Variants in CNTNAP4 observed in about 807,000 individuals in gnomAD.
CNTNAP4 encodes contactin-associated protein-like 4.
A neutral mutation model predicts 148.4 loss-of-function variants in CNTNAP4; 98 were observed. The ratio of observed to expected loss-of-function variants is 0.66; its 90% CI spans 0.56 to 0.78. CNTNAP4 has a LOEUF of 0.78. Among genes scored for constraint, CNTNAP4 ranks in the 30% least tolerant of loss-of-function variants. The pLI, the probability that CNTNAP4 is intolerant of heterozygous loss-of-function variation, is 0.00. For synonymous variants in CNTNAP4, 730 were observed against 565.1 expected, an observed-to-expected ratio of 1.29 and a Z score of -4.14; for missense variants, 1,935 against 1,565.6, an observed-to-expected ratio of 1.24 and a Z score of -3.98.
rs1597667458 is a variant in CNTNAP4, at chr16:76,476,044, C to A, written c.1761C>A (p.Asn587Lys). ...GTTACAGAGGAGCTACTTGCCATAACTGTAAGCGGAACACATCTGCTTTTT... is the reference window on the plus strand; with the variant it reads ...GTTACAGAGGAGCTACTTGCCATAAATGTAAGCGGAACACATCTGCTTTTT... Reference protein sequence around the residue: ...NTGYRGATCHNSIYEQSCEAY... With the variant: ...NTGYRGATCHKSIYEQSCEAY... The change falls in exon 11 of 24, where the codon AAC becomes AAA. Residue 587 changes from asparagine to lysine, a missense_variant and splice_region_variant. Coordinates refer to ENST00000611870, the MANE Select transcript of CNTNAP4 (RefSeq NM_033401.5). The A allele has an allele frequency of 1.2e-6, 2 of 1,605,978 alleles. No individual in the cohort carries two copies. The highest frequency in any genetic ancestry group is 1.7e-4 in the Middle Eastern group (1 of 6,046).
intron 5 of CNTNAP4, 128 bp from the exon 6 acceptor site, chr16:76,448,639 G>A (rs1242142102): frequency 6.3e-6 from 4 of 633,864 alleles, no homozygotes; most frequent in African/African-American, 1.9e-5. Context: ...ATGCATCCTA[G>A]TATTTGAAAC....
chr16:76,277,753 T>C lies in CNTNAP4; in HGVS notation c.85+6T>C, dbSNP rs781121516. On this transcript the variant is annotated splice_donor_region_variant and intron_variant, in intron 1 of 23. Coordinates refer to ENST00000611870, the MANE Select transcript of CNTNAP4 (RefSeq NM_033401.5). ...AGTCGAAGCTGGGAATTCCTGTAAG[T>C]ATACAGCAAATGATTTAAAACTTGC... is the stretch of plus-strand genomic sequence containing the variant. 22 of 1,553,988 alleles carry C rather than the reference T, an allele frequency of 1.4e-5. No homozygotes were observed. The highest frequency in any genetic ancestry group is 1.8e-5 in the Non-Finnish European group (21 of 1,135,384).
intron 2 of CNTNAP4, among the ~76,000 whole-genome samples, chr16:76,319,696 AG>A (rs1330615964): frequency 6.6e-6 from 1 of 152,174 alleles, no homozygotes; most frequent in Non-Finnish European, 1.5e-5. Context: ...AGAGTAGACC[AG>A]ATGAAGATGG....
chr16:76,408,024 A>G (rs1028299812), intron 3 of CNTNAP4, among the ~76,000 whole-genome samples: 3 of 152,130 alleles, frequency 2.0e-5, no homozygotes, highest in African/African-American at 7.2e-5. Context: ...CAGGAAAAAG[A>G]TTAAAATTTA....
At chr16:76,300,836 A>G (rs1380401590) in intron 1 of CNTNAP4, among the ~76,000 whole-genome samples, 6 of 152,148 alleles carry the variant, frequency 3.9e-5, no homozygotes, top group Non-Finnish European at 8.8e-5. Flanking sequence ...ATCAATTTGC[A>G]GTACATTAGA....
chr16:76,541,717 C>T (rs1340121258), intron 21 of CNTNAP4, among the ~76,000 whole-genome samples: 3 of 152,150 alleles, frequency 2.0e-5, no homozygotes, highest in African/African-American at 7.2e-5. Flanking sequence ...AAAATATTGG[C>T]CCCTGAGGTT....
At chr16:76,476,137 G>C in intron 11 of CNTNAP4, 92 bp downstream of exon 11, 1 of 815,126 alleles carries the variant, frequency 1.2e-6, no homozygotes, top group Non-Finnish European at 2.0e-6. Context: ...TGTCTGTTCT[G>C]TGCAAACTCA....
intron 3 of CNTNAP4, among the ~76,000 whole-genome samples, chr16:76,401,917 T>C (rs1407986188): frequency 6.6e-6 from 1 of 152,208 alleles, no homozygotes; most frequent in East Asian, 1.9e-4. Flanking sequence ...GGATTTGCTT[T>C]TTGAAGTGCT....
intron 3 of CNTNAP4, among the ~76,000 whole-genome samples, chr16:76,405,225 A>G (rs750390979): frequency 1.1e-4 from 16 of 152,224 alleles, no homozygotes; most frequent in African/African-American, 1.4e-4. Flanking sequence ...ACATAACATT[A>G]GGTTACATTA....
chr16:76,319,619 C>T (rs1041652747), intron 2 of CNTNAP4, among the ~76,000 whole-genome samples: 1 of 151,916 alleles, frequency 6.6e-6, no homozygotes, highest in Non-Finnish European at 1.5e-5. Flanking sequence ...GGGTGGGGGG[C>T]TAAATCCAAT....
chr16:76,522,706 CTT>C (rs1568497522), intron 17 of CNTNAP4, among the ~76,000 whole-genome samples: 1,096 of 18,602 alleles, frequency 0.059, 100 homozygotes, highest in Admixed American at 0.079. Context: ...CTTTTCTTTT[CTT>C]TTCTTTTCTT....
chr16:76,540,720 G>T lies in CNTNAP4; in HGVS notation c.3372G>T (p.Arg1124Ser), dbSNP rs757651754. 6.4e-6 allele frequency: 10 copies of T among 1,570,802 alleles called. No homozygotes were observed. The highest frequency in any genetic ancestry group is 6.9e-6 in the Non-Finnish European group (8 of 1,155,722). The change falls in exon 21 of 24, where the codon AGG becomes AGT. Residue 1124 changes from arginine (R) to serine (S), a missense_variant. By Grantham distance (110) the Arg-to-Ser change is moderately radical. Coordinates refer to ENST00000611870, the MANE Select transcript of CNTNAP4 (RefSeq NM_033401.5). ...TTTTGTAGATTGACGATAATAGAAG[G>T]AGACAAGTTCACCTGTCATCAGGCA... ...VVFIEIDDNR[R>S]RQVHLSSGTE...
chr16:76,363,269 T>A (rs2030054101), intron 3 of CNTNAP4, among the ~76,000 whole-genome samples: 1 of 151,766 alleles, frequency 6.6e-6, no homozygotes, highest in African/African-American at 2.4e-5. Flanking sequence ...TTCAAGTGAT[T>A]CTCCTGCCTC....
chr16:76,346,873 A>T (rs1964945610), intron 2 of CNTNAP4, among the ~76,000 whole-genome samples: 2 of 152,152 alleles, frequency 1.3e-5, no homozygotes, highest in African/African-American at 2.4e-5. Flanking sequence ...ATTATTAAAG[A>T]TTTCAGAAAT....
In CNTNAP4 at chr16:76,540,767, C is replaced by A; in HGVS notation, c.3419C>A (p.Ser1140Tyr). 6.4e-7 allele frequency: 1 copy of A among 1,573,236 alleles called. No individual in the cohort carries two copies. The highest frequency in any genetic ancestry group is 8.6e-7 in the Non-Finnish European group (1 of 1,157,250). The change falls in exon 21 of 24, where the codon TCT becomes TAT. Residue 1140 changes from serine to tyrosine, a missense_variant. Coordinates refer to ENST00000611870, the MANE Select transcript of CNTNAP4 (RefSeq NM_033401.5). ...SSGTEFSAVK[S>Y]LVLGRILEHS... Reference sequence around the variant, plus strand: ...GGCACAGAATTCAGTGCAGTCAAATCTCTGGTATTGGGCAGGATTTTAGGT... The same window carrying A: ...GGCACAGAATTCAGTGCAGTCAAATATCTGGTATTGGGCAGGATTTTAGGT...
chr16:76,314,229 A>G (rs530660771), intron 1 of CNTNAP4, among the ~76,000 whole-genome samples: 19 of 152,246 alleles, frequency 1.2e-4, no homozygotes, highest in Non-Finnish European at 2.8e-4. Context: ...GCCTTTGACT[A>G]TGCCACTATT....
At chr16:76,398,911 A>G (rs1252442885) in intron 3 of CNTNAP4, among the ~76,000 whole-genome samples, 1 of 151,946 alleles carries the variant, frequency 6.6e-6, no homozygotes, top group Non-Finnish European at 1.5e-5. Flanking sequence ...TCTCACCTTG[A>G]ATTGTAATAA....
In CNTNAP4 at chr16:76,538,143, C is replaced by A; in HGVS notation, c.3023C>A (p.Ser1008Ter). Residue 1008 changes from serine to a stop codon, truncating the protein, a stop_gained, in exon 19 of 24, where the codon TCA becomes TAA. Transcript: ENST00000611870. LOFTEE classifies it high-confidence loss of function. ...NEISAYFGSG[S>*]SVIYNFQENY... ...ATTTCTGCATATTTTGGATCTGGCT[C>A]ATCCGTGATATACAATTTTCAAGAA... is the stretch of plus-strand genomic sequence containing the variant. 6.4e-7 allele frequency: 1 copy of A among 1,554,208 alleles called. No individual in the cohort carries two copies.
intron 3 of CNTNAP4, among the ~76,000 whole-genome samples, chr16:76,421,875 A>G (rs1597484238): frequency 6.6e-6 from 1 of 152,098 alleles, no homozygotes; most frequent in Admixed American, 6.6e-5. Flanking sequence ...TTTCTATATA[A>G]TTGCAGAGTC....
Sources: gnomAD v4.1 joint callset for allele counts (sites outside exome capture counted in the v4.1 genomes callset) on GRCh38, gnomAD v4.1.1 for gene constraint, MANE v1.5 for transcripts, NCBI Gene and HGNC (gene_info 2026-07-23, HGNC 2026-07-21) for gene names.